The following HMBOX1 variants were observed in gnomAD, a reference collection of about 807,000 sequenced individuals.
HMBOX1 encodes the protein homeobox containing 1.
In HMBOX1, 14 loss-of-function variants were observed where a neutral mutation model predicts 54.5. The observed-to-expected ratio is 0.26, with a 90% CI of 0.17 to 0.40. HMBOX1 has a LOEUF of 0.40. Ranked by LOEUF, HMBOX1 falls within the 10% of genes least tolerant of loss-of-function variation. The pLI, the probability that HMBOX1 is intolerant of heterozygous loss-of-function variation, is 1.00. For missense variants in HMBOX1, 332 were observed against 514.4 expected, an observed-to-expected ratio of 0.65 and a Z score of 3.43; for synonymous variants, 160 against 181.0, an observed-to-expected ratio of 0.88 and a Z score of 0.93.
rs761761528 is a variant in HMBOX1, at chr8:29,018,897, C to G, written c.835C>G (p.Leu279Val). ...TCGATTTACCTGGAGAAAGGAGTGC[C>G]TGGCTGTTATGGAAAGGTATGTGTC... ...GSRFTWRKEC[L>V]AVMESYFNEN... Residue 279 changes from leucine (L) to valine (V), a missense_variant, in exon 6 of 10, where the codon CTG becomes GTG. Leu to Val is a conservative substitution (Grantham distance 32). Coordinates refer to ENST00000287701, the MANE Select transcript of HMBOX1 (RefSeq NM_001135726.3). 6.2e-7 allele frequency: 1 copy of G among 1,613,998 alleles called. No individual in the cohort carries two copies. Among genetic ancestry groups the G allele is most frequent in the Non-Finnish European group, 8.5e-7 (1 of 1,179,998 alleles).
intron 1 of HMBOX1, among the ~76,000 whole-genome samples, chr8:28,939,799 C>T (rs1467933671): frequency 7.2e-5 from 11 of 152,024 alleles, no homozygotes; most frequent in Non-Finnish European, 1.5e-4. Context: ...CGTCAGCCAC[C>T]GTGCCCGGCC....
Position 29,019,773 on chromosome 8 carries a change from T to C in HMBOX1, c.851+860T>C, listed in dbSNP as rs76136837. Among the ~76,000 whole-genome samples the C allele has an allele frequency of 4.1e-3, 622 of 152,326 alleles. 11 individuals carry two copies. In the East Asian group the frequency reaches 0.055, roughly 13 times the overall value. ...AAATGAAATTTTTTGATAGCCAATA[T>C]GTCATCTAAGACTTTTGCCATCTCT... On this transcript the variant is annotated intron_variant, in intron 6 of 9. Coordinates refer to ENST00000287701, the MANE Select transcript of HMBOX1 (RefSeq NM_001135726.3).
At chr8:28,977,737 A>G (rs13256251) in intron 3 of HMBOX1, among the ~76,000 whole-genome samples, 133,870 of 151,966 alleles carry the variant, frequency 0.88, 59,015 homozygotes, top group East Asian at 0.95. Context: ...TCAGGAGATC[A>G]AGACCATCCT....
At chr8:28,995,894 A>G (rs1831745134) in intron 4 of HMBOX1, among the ~76,000 whole-genome samples, 1 of 152,110 alleles carries the variant, frequency 6.6e-6, no homozygotes, top group Non-Finnish European at 1.5e-5. Flanking sequence ...CAAGGTCAGG[A>G]GATTGAGACC....
intron 1 of HMBOX1, among the ~76,000 whole-genome samples, chr8:28,953,073 A>T (rs1288406761): frequency 6.6e-6 from 1 of 152,240 alleles, no homozygotes; most frequent in Non-Finnish European, 1.5e-5. Context: ...TCTGAGATTA[A>T]ACGAGCTGTT....
At chr8:28,976,492 T>C (rs1001519859) in intron 3 of HMBOX1, among the ~76,000 whole-genome samples, 6 of 152,042 alleles carry the variant, frequency 3.9e-5, no homozygotes, top group African/African-American at 2.4e-5. Flanking sequence ...TTCAAGCAAT[T>C]TTCCTGTCTC....
At position 29,014,195 on chromosome 8, in the gene HMBOX1, T is replaced by C. The variant is rs1255931506; in HGVS notation, c.698-4565T>C. On this transcript the variant is annotated intron_variant, in intron 5 of 9. Transcript: ENST00000287701. ...ACAAGTTATGAAAAGAGTTTTGGGT[T>C]TTTTTTTTCCTCATGGGTTTAGATT... is the stretch of plus-strand genomic sequence containing the variant. Among the ~76,000 whole-genome samples the C allele has an allele frequency of 3.3e-5, 5 of 151,580 alleles. No homozygotes were observed. The East Asian group carries it at 9.6e-4, about 29-fold the overall frequency.
chr8:28,940,429 A>G (rs73669462), intron 1 of HMBOX1, among the ~76,000 whole-genome samples: 3,088 of 152,282 alleles, frequency 0.02, 89 homozygotes, highest in African/African-American at 0.07. Context: ...ATAGCACTCA[A>G]TACCCCATTA....
chr8:28,911,409 G>A (rs940569702), intron 1 of HMBOX1, among the ~76,000 whole-genome samples: 4 of 152,126 alleles, frequency 2.6e-5, no homozygotes, highest in East Asian at 3.9e-4. Flanking sequence ...AGGCTGGAGC[G>A]CAGTGGCGCG....
intron 1 of HMBOX1, among the ~76,000 whole-genome samples, chr8:28,904,615 G>A (rs1465395851): frequency 6.6e-6 from 1 of 151,766 alleles, no homozygotes; most frequent in Non-Finnish European, 1.5e-5. Context: ...GTCTTAAATT[G>A]TGCCAAACAT....
intron 1 of HMBOX1, among the ~76,000 whole-genome samples, chr8:28,892,176 C>T (rs534082908): frequency 6.6e-6 from 1 of 152,188 alleles, no homozygotes; most frequent in African/African-American, 2.4e-5. Context: ...TGCATTTATG[C>T]TGCAGGTAAT....
At chr8:29,028,842 A>T (rs776898145) in intron 6 of HMBOX1, among the ~76,000 whole-genome samples, 56 of 152,196 alleles carry the variant, frequency 3.7e-4, no homozygotes, top group Non-Finnish European at 7.6e-4. Context: ...GTGCTCTTTT[A>T]TAGCAATCTC....
intron 1 of HMBOX1, among the ~76,000 whole-genome samples, chr8:28,900,077 T>C (rs1183346495): frequency 7.9e-5 from 12 of 151,638 alleles, no homozygotes; most frequent in Admixed American, 7.9e-4. Flanking sequence ...GGTGAAACCC[T>C]GTTTCTATTA....
chr8:28,973,573 G>A (rs911570848), intron 3 of HMBOX1, among the ~76,000 whole-genome samples: 1 of 151,892 alleles, frequency 6.6e-6, no homozygotes, highest in Non-Finnish European at 1.5e-5. Context: ...GGAATATACT[G>A]CCCTTGCTGA....
intron 2 of HMBOX1, among the ~76,000 whole-genome samples, chr8:28,969,535 G>C (rs1431895331): frequency 8.2e-6 from 1 of 121,772 alleles, no homozygotes; most frequent in African/African-American, 2.5e-5. Context: ...CTTGGACTTA[G>C]CTTAGCAAAT....
At position 28,940,008 on chromosome 8, in the gene HMBOX1, T is replaced by TA. The variant is rs528649882; in HGVS notation, c.-57-23794dup. On this transcript the variant is annotated intron_variant, in intron 1 of 9. Coordinates refer to ENST00000287701, the MANE Select transcript of HMBOX1 (RefSeq NM_001135726.3). Reference sequence around the variant, plus strand: ...CCCTTCAGATCTGAGCTTTATCTTTTAAAAAAAAATTGTTTTAGATTTTTT... The same window carrying TA: ...CCCTTCAGATCTGAGCTTTATCTTTTAAAAAAAAAATTGTTTTAGATTTTTT... 8.2e-4 allele frequency among the ~76,000 whole-genome samples: 125 copies of TA among 151,784 alleles called. 1 individual carries two copies. Among genetic ancestry groups the TA allele is most frequent in the African/African-American group, 2.3e-3 (96 of 41,408 alleles).
chr8:28,989,744 T>A (rs1000224497), intron 4 of HMBOX1, among the ~76,000 whole-genome samples: 9 of 152,228 alleles, frequency 5.9e-5, no homozygotes, highest in African/African-American at 1.7e-4. Flanking sequence ...AAAAAGCACA[T>A]CTGTAGTGAG....
chr8:28,893,192 G>C (rs1005504357), intron 1 of HMBOX1, among the ~76,000 whole-genome samples: 11 of 152,132 alleles, frequency 7.2e-5, no homozygotes, highest in African/African-American at 2.7e-4. Flanking sequence ...TATATTCCCA[G>C]CATTTGTTGG....
intron 4 of HMBOX1, among the ~76,000 whole-genome samples, chr8:28,980,748 ATTTGGGGGC>A (rs1829202150): frequency 6.6e-6 from 1 of 152,040 alleles, no homozygotes. Context: ...ACGTTCTTAA[ATTTGGGGGC>A]AGATGTCTTT....
Sources: allele counts gnomAD v4.1 joint callset (sites outside exome capture counted in the v4.1 genomes callset), GRCh38; gene constraint gnomAD v4.1.1; transcripts MANE v1.5; gene names NCBI Gene and HGNC (gene_info 2026-07-23, HGNC 2026-07-21).